Variants in KAZN observed in about 807,000 individuals in gnomAD.
The protein encoded by KAZN is kazrin.
KAZN carries 40 observed loss-of-function variants against 87.4 expected under a neutral mutation model. The ratio of observed to expected loss-of-function variants is 0.46; its 90% CI spans 0.36 to 0.60. KAZN has a LOEUF of 0.60. KAZN is among the 20% of genes least tolerant of loss of function. The pLI is 0.00. For missense variants in KAZN, 898 were observed against 1,073.9 expected, an observed-to-expected ratio of 0.84 and a Z score of 2.29; for synonymous variants, 466 against 458.3, an observed-to-expected ratio of 1.02 and a Z score of -0.22.
At chr1:15,084,586 C>A (rs914062572) in intron 8 of KAZN, among the ~76,000 whole-genome samples, 4 of 152,188 alleles carry the variant, frequency 2.6e-5, no homozygotes, top group Admixed American at 6.5e-5. Context: ...GCAAATGCTG[C>A]TATCAGGACT....
chr1:14,142,665 G>A (rs921942219), intron 1 of KAZN, among the ~76,000 whole-genome samples: 1 of 152,176 alleles, frequency 6.6e-6, no homozygotes, highest in Non-Finnish European at 1.5e-5. Flanking sequence ...GAGACCAGAG[G>A]AGCCCTCTCA....
chr1:14,017,484 G>C (rs1455390200), intron 1 of KAZN, among the ~76,000 whole-genome samples: 3 of 152,188 alleles, frequency 2.0e-5, no homozygotes, highest in Non-Finnish European at 4.4e-5. Context: ...CTATGACCCA[G>C]TGCATTCTCT....
chr1:14,595,867 A>G (rs1223454906), upstream of KAZN, among the ~76,000 whole-genome samples: 7 of 152,096 alleles, frequency 4.6e-5, no homozygotes, highest in Admixed American at 3.9e-4. Flanking sequence ...ATGTTAGGAA[A>G]AAAAACTCTC....
intron 1 of KAZN, among the ~76,000 whole-genome samples, chr1:14,834,968 C>T (rs1368458129): frequency 2.0e-5 from 3 of 152,046 alleles, no homozygotes; most frequent in Admixed American, 1.3e-4. Flanking sequence ...CTAGACCACC[C>T]GCTAAAAAAA....
At chr1:14,780,806 G>C (rs1645311932) in intron 1 of KAZN, among the ~76,000 whole-genome samples, 2 of 152,212 alleles carry the variant, frequency 1.3e-5, no homozygotes, top group South Asian at 4.1e-4. Flanking sequence ...CACCAGTCTA[G>C]AGTGAATTGA....
At chr1:14,405,647 T>TGTGTGTGTGTG (rs747253895) in intron 2 of KAZN, among the ~76,000 whole-genome samples, 9 of 150,108 alleles carry the variant, frequency 6.0e-5, no homozygotes, top group South Asian at 2.1e-4. Flanking sequence ...TGTGTGTGTG[T>TGTGTGTGTGTG]TTATACAGAG....
intron 1 of KAZN, among the ~76,000 whole-genome samples, chr1:14,082,871 C>G (rs1643732794): frequency 6.6e-6 from 1 of 152,132 alleles, no homozygotes; most frequent in Non-Finnish European, 1.5e-5. Flanking sequence ...ACTTAATGAA[C>G]ATTTACTATG....
chr1:13,969,317 TA>T (rs1642055570), intron 1 of KAZN, among the ~76,000 whole-genome samples: 1 of 152,216 alleles, frequency 6.6e-6, no homozygotes. Flanking sequence ...GAGATCATAC[TA>T]GAATAGTGTG....
At chr1:15,016,144 G>A (rs1670072029) in intron 2 of KAZN, among the ~76,000 whole-genome samples, 1 of 152,194 alleles carries the variant, frequency 6.6e-6, no homozygotes, top group African/African-American at 2.4e-5. Flanking sequence ...TGAGAAGACA[G>A]AGGCTGAGGT....
At chr1:14,425,988 C>T (rs59374439) in intron 2 of KAZN, among the ~76,000 whole-genome samples, 2,312 of 152,252 alleles carry the variant, frequency 0.015, 99 homozygotes, top group East Asian at 0.11. Flanking sequence ...GCAATTGCAG[C>T]GTAAATTGAC....
intron 1 of KAZN, among the ~76,000 whole-genome samples, chr1:14,744,845 A>G (rs2100453761): frequency 1.3e-5 from 2 of 152,320 alleles, no homozygotes; most frequent in Middle Eastern, 3.4e-3. Context: ...CAGCACTGAC[A>G]TCAAGCAAAA....
At chr1:14,634,003 T>C (rs1332350684) in intron 1 of KAZN, among the ~76,000 whole-genome samples, 1 of 152,088 alleles carries the variant, frequency 6.6e-6, no homozygotes, top group Admixed American at 6.6e-5. Context: ...CTACCTGTGT[T>C]TGAGGGTCTC....
Position 14,931,931 on chromosome 1 carries a change from G to A in KAZN, c.227-28753G>A, listed in dbSNP as rs78929693. Among the ~76,000 whole-genome samples, 158 of 152,194 alleles carry A rather than the reference G, an allele frequency of 1.0e-3. 1 individual carries two copies. The East Asian group carries it at 0.017, about 17-fold the overall frequency. ...TATGCCAACCCCTGTCCGGGCACGCGTGTTCCCAGAATCTACTAGAAAGAG... is the reference window on the plus strand; with the variant it reads ...TATGCCAACCCCTGTCCGGGCACGCATGTTCCCAGAATCTACTAGAAAGAG... On this transcript the variant is annotated intron_variant, in intron 1 of 14. Transcript: ENST00000376030.
chr1:14,466,950 C>CAG (rs879860536), intron 2 of KAZN, among the ~76,000 whole-genome samples: 19,039 of 152,136 alleles, frequency 0.13, 1,551 homozygotes, highest in Non-Finnish European at 0.19. Context: ...GCCTGGGCGA[C>CAG]AGTGCAAGAC....
chr1:15,114,558 G>T lies in KAZN; in HGVS notation c.2251G>T (p.Gly751Ter). ...TGGCTCTCTTCAAAACGAAGATTGC[G>T]GAGACGATGACCCCCAGAGCAGGCT... ...DYGSLQNEDC[G>*]DDDPQSRLEQ... is the part of the protein sequence containing the mutation. Residue 751 changes from glycine to a stop codon, truncating the protein, a stop_gained, in exon 15 of 15, where the codon GGA (glycine) becomes TGA (stop). Coordinates refer to ENST00000376030, the MANE Select transcript of KAZN (RefSeq NM_201628.3). LOFTEE classifies it high-confidence loss of function. 6.2e-7 allele frequency: 1 copy of T among 1,608,440 alleles called. No individual in the cohort carries two copies. The highest frequency in any genetic ancestry group is 1.1e-5 in the South Asian group (1 of 89,666).
At position 14,598,824 on chromosome 1, in the gene KAZN, G is replaced by T; in HGVS notation, c.-174G>T. On this transcript the variant is annotated 5_prime_UTR_variant, in exon 1 of 15. Transcript: ENST00000376030. This position sits in a 1 kb window ranked among gnomAD's most constrained non-coding sequence, Gnocchi z 4.2. ...CGCCGCGGCTAGGGCTGGAGGCGCC[G>T]CTGTCATTCCTGTGCCGGAGGAACC... The T allele has an allele frequency of 7.3e-7, 1 of 1,376,812 alleles. No individual in the cohort carries two copies. The highest frequency in any genetic ancestry group is 9.3e-7 in the Non-Finnish European group (1 of 1,070,314). The allele number at this position is 1,376,812 out of a possible 1,614,324, so 85.3% of individuals were successfully genotyped here.
At chr1:14,294,995 C>A in intron 2 of KAZN, among the ~76,000 whole-genome samples, 1 of 151,542 alleles carries the variant, frequency 6.6e-6, no homozygotes, top group Non-Finnish European at 1.5e-5. Flanking sequence ...TGGAGTCAGA[C>A]CCGTGCTTAT....
chr1:14,810,837 C>G (rs938816773), intron 1 of KAZN, among the ~76,000 whole-genome samples: 2 of 152,152 alleles, frequency 1.3e-5, no homozygotes, highest in Non-Finnish European at 2.9e-5. Context: ...AGGGTGGGGA[C>G]AGGCCAGGTC....
At chr1:14,213,357 A>C (rs2100461709) in intron 2 of KAZN, among the ~76,000 whole-genome samples, 1 of 152,330 alleles carries the variant, frequency 6.6e-6, no homozygotes, top group African/African-American at 2.4e-5. Flanking sequence ...ACTAGAACCA[A>C]GAAATATGAT....
Sources: gnomAD v4.1 joint callset for allele counts (sites outside exome capture counted in the v4.1 genomes callset) on GRCh38, gnomAD v4.1.1 for gene constraint, Gnocchi (gnomAD v3.1) non-coding constraint, MANE v1.5 for transcripts, NCBI Gene and HGNC (gene_info 2026-07-23, HGNC 2026-07-21) for gene names.